Variants in PPP1R3A observed in about 807,000 individuals in gnomAD.
PPP1R3A encodes RG1.
Under a neutral mutation model 41.7 loss-of-function variants are expected in PPP1R3A, and 29 were observed. The observed-to-expected ratio is 0.70, with a 90% CI of 0.52 to 0.95. The LOEUF is 0.95. PPP1R3A is among the 40% of genes least tolerant of loss of function. The pLI is 0.00. For missense variants in PPP1R3A, 1,352 were observed against 1,292.4 expected (o/e 1.05, Z -0.71); for synonymous variants, 485 against 453.4 (o/e 1.07, Z -0.89).
At chr7:113,917,376 C>T (rs1797358001) in intron 1 of PPP1R3A, among the ~76,000 whole-genome samples, 1 of 151,974 alleles carries the variant, frequency 6.6e-6, no homozygotes, top group Non-Finnish European at 1.5e-5. Context: ...TCTCTACTTA[C>T]CTAGTGTCAC....
intron 1 of PPP1R3A, among the ~76,000 whole-genome samples, chr7:113,898,189 G>C (rs1018156062): frequency 6.6e-6 from 1 of 151,800 alleles, no homozygotes; most frequent in Non-Finnish European, 1.5e-5. Context: ...GGCTGACATG[G>C]AACAAATTCT....
At position 113,901,995 on chromosome 7, in the gene PPP1R3A, A is replaced by G. The variant is rs533744722; in HGVS notation, c.782+16220T>C. Among the ~76,000 whole-genome samples the G allele has an allele frequency of 5.9e-5, 9 of 152,002 alleles. No homozygotes were observed. The South Asian group carries it at 1.9e-3, about 31-fold the overall frequency. The stretch of plus-strand genomic sequence containing the variant: ...ATTTTGTATATACAATTTTAGTCAT[A>G]ACTTTTAGAAAACAAGAAGCATGTT... On this transcript the variant is annotated intron_variant, in intron 1 of 3. Coordinates refer to ENST00000284601, the MANE Select transcript of PPP1R3A (RefSeq NM_002711.4).
chr7:113,902,236 T>G (rs1329884088), intron 1 of PPP1R3A, among the ~76,000 whole-genome samples: 2 of 151,792 alleles, frequency 1.3e-5, no homozygotes, highest in African/African-American at 2.4e-5. Context: ...CAAGTGATAC[T>G]CCAGCCTCAG....
At chr7:113,881,888 T>G in intron 3 of PPP1R3A, 151 bp downstream of exon 3, 1 of 833,734 alleles carries the variant, frequency 1.2e-6, no homozygotes, top group Admixed American at 2.2e-5. Flanking sequence ...AAGTGCCTTG[T>G]TGATCAAGCT....
At chr7:113,883,503 T>G (rs1354303130) in intron 1 of PPP1R3A, among the ~76,000 whole-genome samples, 1 of 151,954 alleles carries the variant, frequency 6.6e-6, no homozygotes, top group African/African-American at 2.4e-5. Context: ...ACATTTGGTA[T>G]TTTTAGTGGG....
chr7:113,893,568 A>G (rs1796928461), intron 1 of PPP1R3A, among the ~76,000 whole-genome samples: 1 of 152,010 alleles, frequency 6.6e-6, no homozygotes, highest in East Asian at 1.9e-4. Flanking sequence ...GAATATACCT[A>G]TTATATAAGC....
intron 1 of PPP1R3A, among the ~76,000 whole-genome samples, chr7:113,911,199 A>G (rs1182317500): frequency 6.6e-6 from 1 of 152,098 alleles, no homozygotes; most frequent in African/African-American, 2.4e-5. Context: ...TTTTTATCAT[A>G]AGATCTTTAA....
At position 113,878,788 on chromosome 7, in the gene PPP1R3A, T is replaced by C. The variant is rs1193129101; in HGVS notation, c.2304A>G (p.Val768=). The C allele has an allele frequency of 5.0e-6, 8 of 1,613,562 alleles. No individual in the cohort carries two copies. Among genetic ancestry groups the C allele is most frequent in the Admixed American group, 1.7e-5 (1 of 59,886 alleles). ...CATGTGGATCAAACGCTGTTTCCTT[T>C]ACCTCGATGGGCCTGTCACTTCGTG... ...ETARSDRPIE[V]KETAFDPHEG... is the part of the protein sequence containing the mutation. The change falls in exon 4 of 4, where the codon GTA becomes GTG. Residue 768 remains valine, a synonymous_variant. Coordinates refer to ENST00000284601, the MANE Select transcript of PPP1R3A (RefSeq NM_002711.4).
At chr7:113,884,680 TA>T (rs1195603828) in intron 1 of PPP1R3A, among the ~76,000 whole-genome samples, 1 of 152,078 alleles carries the variant, frequency 6.6e-6, no homozygotes, top group Non-Finnish European at 1.5e-5. Flanking sequence ...AAAAAAGATT[TA>T]AAAAATTGGT....
At chr7:113,884,576 C>T (rs1247043547) in intron 1 of PPP1R3A, among the ~76,000 whole-genome samples, 3 of 151,762 alleles carry the variant, frequency 2.0e-5, no homozygotes, top group African/African-American at 4.8e-5. Context: ...GGATTTAGAT[C>T]TTAAATGTCA....
chr7:113,880,209 G>A, intron 3 of PPP1R3A, 84 bp from the exon 4 acceptor site: 1 of 1,176,080 alleles, frequency 8.5e-7, no homozygotes, highest in Non-Finnish European at 1.2e-6. Context: ...TATTAACTCG[G>A]CTAGTAATTA....
intron 1 of PPP1R3A, among the ~76,000 whole-genome samples, chr7:113,886,244 C>T (rs1016198220): frequency 2.6e-5 from 4 of 152,094 alleles, no homozygotes; most frequent in Non-Finnish European, 5.9e-5. Flanking sequence ...AACTGTAACT[C>T]CCACAATTCC....
At chr7:113,902,218 C>T (rs1168125638) in intron 1 of PPP1R3A, among the ~76,000 whole-genome samples, 1 of 151,758 alleles carries the variant, frequency 6.6e-6, no homozygotes, top group Non-Finnish European at 1.5e-5. Flanking sequence ...GACTCCAACT[C>T]CTGAACTCAA....
chr7:113,918,927 A>G lies in PPP1R3A; in HGVS notation c.70T>C (p.Ser24Pro), dbSNP rs1454876937. 1 of 1,612,782 alleles carries G rather than the reference A, an allele frequency of 6.2e-7. No homozygotes were observed. The change falls in exon 1 of 4, where the codon TCT becomes CCT. Residue 24 changes from serine to proline, a missense_variant. By Grantham distance (74) the Ser-to-Pro change is moderately conservative. Transcript: ENST00000284601. ...GTAACTTCTTCATCTTCACAAAGAG[A>G]GTCAGATAAATTAGGAACTTCTAAA... ...NFLEVPNLSD[S>P]LCEDEEVTFQ... is the part of the protein sequence containing the mutation.
chr7:113,878,237 T>C lies in PPP1R3A; in HGVS notation c.2855A>G (p.Asn952Ser), dbSNP rs140451975. The C allele has an allele frequency of 6.2e-7, 1 of 1,613,080 alleles. No individual in the cohort carries two copies. The highest frequency in any genetic ancestry group is 8.5e-7 in the Non-Finnish European group (1 of 1,179,602). The change falls in exon 4 of 4, where the codon AAT (asparagine) becomes AGT (serine). Residue 952 changes from asparagine to serine, a missense_variant. Physicochemically the swap from Asn to Ser is conservative, Grantham distance 46. Transcript: ENST00000284601. Reference protein sequence around the residue: ...ASQPISTKSENICNSTREIQG... With the variant: ...ASQPISTKSESICNSTREIQG... ...GATTTCTCTTGTTGAATTACAAATA[T>C]TTTCTGATTTCGTAGAAATAGGTTG...
At position 113,918,660 on chromosome 7, in the gene PPP1R3A, G is replaced by C. The variant is rs748934402; in HGVS notation, c.337C>G (p.Pro113Ala). 8 of 1,613,402 alleles carry C rather than the reference G, an allele frequency of 5.0e-6. No homozygotes were observed. The African/African-American group carries it at 9.3e-5, about 19-fold the overall frequency. ...EYVLAPLFDL[P>A]SSKEDLMQQL... is the part of the protein sequence containing the mutation. ...TGCATAAGATCTTCTTTTGAAGAAG[G>C]CAAGTCAAACAGTGGGGCTAAAACA... is the stretch of plus-strand genomic sequence containing the variant. The change falls in exon 1 of 4, where the codon CCT (proline) becomes GCT (alanine). Residue 113 changes from proline (P) to alanine (A), a missense_variant. Coordinates refer to ENST00000284601, the MANE Select transcript of PPP1R3A (RefSeq NM_002711.4).
At chr7:113,903,500 T>C (rs189976627) in intron 1 of PPP1R3A, among the ~76,000 whole-genome samples, 2 of 151,730 alleles carry the variant, frequency 1.3e-5, no homozygotes, top group Admixed American at 1.3e-4. Flanking sequence ...AAATATGCCC[T>C]GTAAGTATCA....
In PPP1R3A at chr7:113,894,625, G is replaced by GT. The variant is rs552969983; in HGVS notation, c.783-12306dup. Among the ~76,000 whole-genome samples, 164 of 151,458 alleles carry GT rather than the reference G, an allele frequency of 1.1e-3. 1 individual carries two copies. Among genetic ancestry groups the GT allele is most frequent in the Admixed American group, 1.7e-3 (26 of 15,170 alleles). Reference sequence around the variant, plus strand: ...AAATAATCAGTGTATTGTCATGTGTGTTTTTTTTCCTAGGGATACTAAATT... The same window carrying GT: ...AAATAATCAGTGTATTGTCATGTGTGTTTTTTTTTCCTAGGGATACTAAATT... On this transcript the variant is annotated intron_variant, in intron 1 of 3. Coordinates refer to ENST00000284601, the MANE Select transcript of PPP1R3A (RefSeq NM_002711.4).
chr7:113,877,592 G>T lies in PPP1R3A; in HGVS notation c.*131C>A. On this transcript the variant is annotated 3_prime_UTR_variant, in exon 4 of 4. Transcript: ENST00000284601. ...CTTATATGAAGGAGCAAACTTATTC[G>T]CGTCCCTTTTTAAATGATCCTTCAA... 9.5e-7 allele frequency: 1 copy of T among 1,057,902 alleles called. No homozygotes were observed. Among genetic ancestry groups the T allele is most frequent in the African/African-American group, 1.6e-5 (1 of 62,592 alleles). 65.5% of individuals were successfully genotyped at this position (1,057,902 alleles called of 1,614,324 possible).
Sources: allele counts gnomAD v4.1 joint callset (sites outside exome capture counted in the v4.1 genomes callset), GRCh38; gene constraint gnomAD v4.1.1; transcripts MANE v1.5; gene names NCBI Gene and HGNC (gene_info 2026-07-23, HGNC 2026-07-21).